DAB1: variants seen among roughly 807,000 people sequenced by gnomAD.
DAB1 encodes DAB adaptor protein 1, also known as disabled homolog 1.
Under a neutral mutation model 64.6 loss-of-function variants are expected in DAB1, and 15 were observed. The ratio of observed to expected loss-of-function variants is 0.23; its 90% CI spans 0.16 to 0.36. The LOEUF is 0.36. Ranked by LOEUF, DAB1 falls within the 10% of genes least tolerant of loss-of-function variation. The pLI is 1.00. For missense variants in DAB1, 596 were observed against 706.7 expected (o/e 0.84, Z 1.78); for synonymous variants, 235 against 251.9 (o/e 0.93, Z 0.64).
intron 3 of DAB1, among the ~76,000 whole-genome samples, chr1:58,411,323 T>C (rs545769634): frequency 6.6e-6 from 1 of 152,320 alleles, no homozygotes; most frequent in Admixed American, 6.5e-5. Context: ...TGCAACACCC[T>C]GGGCAAGCAC....
intron 1 of DAB1, among the ~76,000 whole-genome samples, chr1:57,404,611 A>C (rs1306869882): frequency 6.6e-6 from 1 of 152,178 alleles, no homozygotes; most frequent in East Asian, 1.9e-4. Flanking sequence ...TGTGTTTTTC[A>C]AATTCAAAAA....
Position 57,984,357 on chromosome 1 carries a change from A to T in DAB1, n.388-100195T>A, listed in dbSNP as rs2764673. 7.8e-3 allele frequency among the ~76,000 whole-genome samples: 1,183 copies of T among 152,120 alleles called. 24 individuals carry two copies. The East Asian group carries it at 0.081, about 10-fold the overall frequency. ...ATTAATATTTCCCCCTAATTACAAT[A>T]GTGATGGTAAGTGTGTTAAATGCAA... On this transcript the variant is annotated intron_variant and non_coding_transcript_variant, in intron 5 of 20. Transcript: ENST00000485760.
At chr1:57,940,286 T>C (rs113598426) in intron 5 of DAB1, among the ~76,000 whole-genome samples, 1 of 152,302 alleles carries the variant, frequency 6.6e-6, no homozygotes, top group Non-Finnish European at 1.5e-5. Context: ...GGAGTCACTG[T>C]TTCAAAGAGA....
At chr1:57,458,884 C>T (rs1686689491) in intron 7 of DAB1, among the ~76,000 whole-genome samples, 1 of 151,838 alleles carries the variant, frequency 6.6e-6, no homozygotes, top group Admixed American at 6.6e-5. Flanking sequence ...CAGAAAAAGG[C>T]CAAAATCTTT....
chr1:57,369,629 T>A (rs1043422857), intron 1 of DAB1, among the ~76,000 whole-genome samples: 5 of 152,176 alleles, frequency 3.3e-5, no homozygotes, highest in Non-Finnish European at 5.9e-5. Flanking sequence ...TCATTGAATC[T>A]TCAACAGTCT....
intron 1 of DAB1, among the ~76,000 whole-genome samples, chr1:57,883,609 G>A (rs1644178536): frequency 6.6e-6 from 1 of 152,128 alleles, no homozygotes; most frequent in Admixed American, 6.5e-5. Context: ...TCCTTGGTGA[G>A]GCCTGCAGAT....
chr1:58,361,397 C>G (rs1223755728), intron 3 of DAB1, among the ~76,000 whole-genome samples: 2 of 152,204 alleles, frequency 1.3e-5, no homozygotes, highest in Non-Finnish European at 1.5e-5. Flanking sequence ...GTCCATAAAC[C>G]CCCACTATCA....
chr1:57,178,069 T>C (rs929303542), intron 2 of DAB1, among the ~76,000 whole-genome samples: 2 of 152,140 alleles, frequency 1.3e-5, no homozygotes, highest in East Asian at 3.9e-4. Context: ...GATATAGCCA[T>C]GGGCGAAAAC....
chr1:58,022,376 GT>G (rs1215933557), intron 5 of DAB1, among the ~76,000 whole-genome samples: 1 of 152,202 alleles, frequency 6.6e-6, no homozygotes, highest in Non-Finnish European at 1.5e-5. Context: ...AGGAAGGTAA[GT>G]TCAAATCTGA....
At chr1:58,152,609 C>T (rs527629509) in intron 4 of DAB1, among the ~76,000 whole-genome samples, 63 of 152,292 alleles carry the variant, frequency 4.1e-4, no homozygotes, top group African/African-American at 1.4e-3. Flanking sequence ...TAGGATTACA[C>T]GAGCTCTATC....
intron 1 of DAB1, among the ~76,000 whole-genome samples, chr1:57,421,163 G>C (rs1684854216): frequency 6.6e-6 from 1 of 152,172 alleles, no homozygotes; most frequent in Admixed American, 6.5e-5. Context: ...GGAGGGCAAA[G>C]GGGAATGAAG....
At chr1:57,824,131 A>G (rs754488047), downstream of DAB1, among the ~76,000 whole-genome samples, 11 of 152,224 alleles carry the variant, frequency 7.2e-5, no homozygotes, top group Non-Finnish European at 1.6e-4. Context: ...GTTAGATGTT[A>G]TCTCCATGTT....
rs576359570 is a variant in DAB1, at chr1:57,744,244, G to T, written n.552-94579C>A. Among the ~76,000 whole-genome samples, 25 of 152,338 alleles carry T rather than the reference G, an allele frequency of 1.6e-4. No individual in the cohort carries two copies. In the South Asian group the frequency reaches 5.0e-3, roughly 30 times the overall value. ...CCATTAGAATGATAATTGGTGAACA[G>T]GCTGTCAGGATGCAGGTTTAGCCTA... On this transcript the variant is annotated intron_variant and non_coding_transcript_variant, in intron 6 of 20. Transcript: ENST00000485760.
intron 1 of DAB1, among the ~76,000 whole-genome samples, chr1:57,388,664 C>T (rs1437666271): frequency 2.0e-5 from 3 of 152,180 alleles, no homozygotes; most frequent in Non-Finnish European, 4.4e-5. Context: ...CATCTCTCTC[C>T]TTTCTCTTCT....
chr1:57,515,498 G>A (rs932652673), intron 7 of DAB1, among the ~76,000 whole-genome samples: 2 of 152,132 alleles, frequency 1.3e-5, no homozygotes, highest in South Asian at 2.1e-4. Context: ...GAATATGGTC[G>A]CTGTTCAAAC....
intron 5 of DAB1, among the ~76,000 whole-genome samples, chr1:57,896,680 C>T (rs956497593): frequency 1.2e-4 from 19 of 152,082 alleles, no homozygotes; most frequent in African/African-American, 4.1e-4. Context: ...ATCTTTATGA[C>T]GTGAGCATTA....
intron 5 of DAB1, among the ~76,000 whole-genome samples, chr1:57,894,187 C>A (rs1644359113): frequency 6.6e-6 from 1 of 152,184 alleles, no homozygotes; most frequent in Non-Finnish European, 1.5e-5. Flanking sequence ...TGGGCCTCTT[C>A]CAAGTGTACT....
intron 2 of DAB1, among the ~76,000 whole-genome samples, chr1:57,148,731 T>C (rs1402036929): frequency 6.6e-6 from 1 of 152,246 alleles, no homozygotes; most frequent in Non-Finnish European, 1.5e-5. Flanking sequence ...CAATTTCTCA[T>C]TTAATCTTCA....
chr1:57,912,698 C>T (rs988619385), intron 5 of DAB1, among the ~76,000 whole-genome samples: 6 of 152,092 alleles, frequency 3.9e-5, no homozygotes, highest in South Asian at 4.2e-4. Context: ...AAAGCCCCAT[C>T]GTCTCGGCCC....
Sources: allele counts gnomAD v4.1 joint callset (sites outside exome capture counted in the v4.1 genomes callset), GRCh38; gene constraint gnomAD v4.1.1; transcripts MANE v1.5; gene names NCBI Gene and HGNC (gene_info 2026-07-23, HGNC 2026-07-21).